The following TRPC7 variants were observed in gnomAD, a reference collection of about 807,000 sequenced individuals.
TRPC7 encodes short transient receptor potential channel 7.
In TRPC7, 42 loss-of-function variants were observed where a neutral mutation model predicts 90.1. The observed-to-expected ratio is 0.47, with a 90% CI of 0.36 to 0.60. The LOEUF (loss-of-function observed/expected upper bound fraction) is 0.60. Ranked by LOEUF, TRPC7 falls within the 20% of genes least tolerant of loss-of-function variation. The pLI, the probability that TRPC7 is intolerant of heterozygous loss-of-function variation, is 0.00. For missense variants in TRPC7, 955 were observed against 1,112.3 expected, an observed-to-expected ratio of 0.86 and a Z score of 2.01; for synonymous variants, 451 against 436.3, an observed-to-expected ratio of 1.03 and a Z score of -0.42.
intron 3 of TRPC7, among the ~76,000 whole-genome samples, chr5:136,287,955 C>A (rs1247941278): frequency 6.6e-6 from 1 of 152,138 alleles, no homozygotes; most frequent in African/African-American, 2.4e-5. Context: ...GGGCAGGAGA[C>A]ACTGAGCCAG....
At chr5:136,303,227 T>C (rs998628029) in intron 3 of TRPC7, among the ~76,000 whole-genome samples, 5 of 152,170 alleles carry the variant, frequency 3.3e-5, no homozygotes, top group African/African-American at 1.2e-4. Context: ...TTCAGCCCAG[T>C]TCATGGCTCA....
In TRPC7 at chr5:136,246,133, C is replaced by T. The variant is rs559965095; in HGVS notation, c.1844+1338G>A. 3.3e-5 allele frequency among the ~76,000 whole-genome samples: 5 copies of T among 152,324 alleles called. No homozygotes were observed. In the South Asian group the frequency reaches 1.0e-3, roughly 32 times the overall value. On this transcript the variant is annotated intron_variant, in intron 7 of 11. Transcript: ENST00000513104. ...GCCATTGTGTTACTCTGCCTGCTTT[C>T]TGGAGCACCCCTAGCAGCTACTTCT...
At chr5:136,225,242 CATGCTTGG>C in intron 10 of TRPC7, 24 bp downstream of exon 10, 1 of 1,600,636 alleles carries the variant, frequency 6.2e-7, no homozygotes, top group South Asian at 1.1e-5. Context: ...TACTTCTGCC[CATGCTTGG>C]ATGCTTGGGA....
intron 2 of TRPC7, among the ~76,000 whole-genome samples, chr5:136,327,485 C>G (rs978219597): frequency 6.6e-6 from 1 of 152,132 alleles, no homozygotes; most frequent in African/African-American, 2.4e-5. Context: ...GGTGGCACAT[C>G]GCTCAGAGAA....
chr5:136,355,251 T>C (rs1210527245), intron 2 of TRPC7, among the ~76,000 whole-genome samples: 3 of 152,174 alleles, frequency 2.0e-5, no homozygotes, highest in Admixed American at 1.3e-4. Flanking sequence ...AAGTGAAACC[T>C]CACAAGCTCA....
chr5:136,334,968 G>A (rs1258865535), intron 2 of TRPC7, among the ~76,000 whole-genome samples: 1 of 152,020 alleles, frequency 6.6e-6, no homozygotes, highest in Non-Finnish European at 1.5e-5. Flanking sequence ...AAAAGCCCCG[G>A]GAGACATAGG....
At chr5:136,231,675 GC>G in intron 7 of TRPC7, 126 bp from the exon 8 acceptor site, 1 of 847,216 alleles carries the variant, frequency 1.2e-6, no homozygotes, top group Non-Finnish European at 1.8e-6. Context: ...CTCAATCATG[GC>G]TCACTCTAGC....
In TRPC7 at chr5:136,266,446, A is replaced by C. The variant is rs1757035675; in HGVS notation, c.1129-10T>G. On this transcript the variant is annotated splice_polypyrimidine_tract_variant and intron_variant, in intron 4 of 11. Coordinates refer to ENST00000513104, the MANE Select transcript of TRPC7 (RefSeq NM_020389.3). ...TCAGGGTTCGTCCTAGCTGGAAAGA[A>C]AATGTGTTCAAGACATGTTAAACTG... The C allele has an allele frequency of 1.9e-6, 3 of 1,610,256 alleles. No homozygotes were observed. The highest frequency in any genetic ancestry group is 1.3e-5 in the African/African-American group (1 of 74,956).
intron 3 of TRPC7, among the ~76,000 whole-genome samples, chr5:136,298,641 G>T (rs769040308): frequency 8.5e-5 from 13 of 152,102 alleles, no homozygotes; most frequent in Non-Finnish European, 1.6e-4. Flanking sequence ...AGTGGCTGGT[G>T]TAAGTGTACA....
At chr5:136,271,376 T>G (rs1757207392) in intron 4 of TRPC7, among the ~76,000 whole-genome samples, 1 of 152,246 alleles carries the variant, frequency 6.6e-6, no homozygotes. Flanking sequence ...CTCAGCATTT[T>G]CATGATGCTG....
Position 136,356,704 on chromosome 5 carries a change from A to G in TRPC7, c.684T>C (p.Ala228=). Residue 228 remains alanine (A), a synonymous_variant, in exon 2 of 12, where the codon GCT becomes GCC. Coordinates refer to ENST00000513104, the MANE Select transcript of TRPC7 (RefSeq NM_020389.3). ...CTTCGCTGGACAGGGACAAGTAGGCAGCACTCGCCAGTCCTTTGTAGGCGT... is the reference window on the plus strand; with the variant it reads ...CTTCGCTGGACAGGGACAAGTAGGCGGCACTCGCCAGTCCTTTGTAGGCGT... The part of the protein sequence containing the change: ...RMNAYKGLAS[A]AYLSLSSEDP... 1 of 1,609,846 alleles carries G rather than the reference A, an allele frequency of 6.2e-7. No homozygotes were observed.
intron 3 of TRPC7, among the ~76,000 whole-genome samples, chr5:136,310,884 C>T (rs751766265): frequency 6.6e-6 from 1 of 152,088 alleles, no homozygotes; most frequent in South Asian, 2.1e-4. Flanking sequence ...TGTCTCTAGA[C>T]CTCATAGGTG....
chr5:136,322,581 A>G (rs1014354985), intron 2 of TRPC7, among the ~76,000 whole-genome samples: 1 of 151,974 alleles, frequency 6.6e-6, no homozygotes, highest in Non-Finnish European at 1.5e-5. Context: ...CTATATTGCC[A>G]TGGTCATGAA....
chr5:136,259,040 C>A (rs1181509665), intron 5 of TRPC7, among the ~76,000 whole-genome samples: 4 of 152,190 alleles, frequency 2.6e-5, no homozygotes, highest in Non-Finnish European at 5.9e-5. Context: ...ATTAATAGAT[C>A]AAAAATGTTC....
chr5:136,229,727 A>C (rs544490095), intron 8 of TRPC7, among the ~76,000 whole-genome samples: 2 of 152,342 alleles, frequency 1.3e-5, no homozygotes, highest in East Asian at 3.9e-4. Flanking sequence ...GGTATTTTTT[A>C]GGAAAGCCCT....
intron 4 of TRPC7, among the ~76,000 whole-genome samples, chr5:136,274,325 T>C (rs1024335463): frequency 3.9e-5 from 6 of 152,210 alleles, no homozygotes; most frequent in Non-Finnish European, 8.8e-5. Context: ...ACTATTACCA[T>C]GATTCTAATT....
In TRPC7 at chr5:136,302,787, G is replaced by A. The variant is rs1021212680; in HGVS notation, c.963+12810C>T. The stretch of plus-strand genomic sequence containing the variant: ...ATTCTTTTCGTAAAATGGGCAAATG[G>A]TCTGAGGTGCCTGACGTCCAGGCAT... On this transcript the variant is annotated intron_variant, in intron 3 of 11. Transcript: ENST00000513104. Among the ~76,000 whole-genome samples the A allele has an allele frequency of 3.9e-4, 60 of 152,082 alleles. 1 individual carries two copies. Among genetic ancestry groups the A allele is most frequent in the Non-Finnish European group, 1.0e-4 (7 of 68,026 alleles).
At chr5:136,221,446 G>A (rs775994361) in intron 10 of TRPC7, among the ~76,000 whole-genome samples, 6 of 152,138 alleles carry the variant, frequency 3.9e-5, no homozygotes, top group Non-Finnish European at 8.8e-5. Flanking sequence ...AGGCCAAATG[G>A]CCTCTGGCCG....
Position 136,258,794 on chromosome 5 carries a change from A to G in TRPC7, c.1346-6912T>C, listed in dbSNP as rs1419751152. Among the ~76,000 whole-genome samples, 3 of 152,182 alleles carry G rather than the reference A, an allele frequency of 2.0e-5. No individual in the cohort carries two copies. In the East Asian group the frequency reaches 5.8e-4, roughly 29 times the overall value. On this transcript the variant is annotated intron_variant, in intron 5 of 11. Transcript: ENST00000513104. ...AGACTTAAGTATGTACATTCTTTAA[A>G]TGGTCCTGGCCCCCAGGGGCTACTG...
Sources: gnomAD v4.1 joint callset for allele counts (sites outside exome capture counted in the v4.1 genomes callset) on GRCh38, gnomAD v4.1.1 for gene constraint, MANE v1.5 for transcripts, NCBI Gene and HGNC (gene_info 2026-07-23, HGNC 2026-07-21) for gene names.